The following PGGHG variants were observed in gnomAD, a reference collection of about 807,000 sequenced individuals.
PGGHG encodes ATH1, acid trehalase-like 1.
A neutral mutation model predicts 74.5 loss-of-function variants in PGGHG; 67 were observed. The observed-to-expected ratio is 0.90, with a 90% CI of 0.74 to 1.10. The LOEUF is 1.10. Ranked by LOEUF, PGGHG falls within the 50% of genes least tolerant of loss-of-function variation. The probability of loss-of-function intolerance (pLI) is 0.00; values close to 1 mark genes in which losing one functional copy is unlikely to be tolerated. For missense variants in PGGHG, 1,034 were observed against 981.5 expected, an observed-to-expected ratio of 1.05 and a Z score of -0.72; for synonymous variants, 496 against 419.9, an observed-to-expected ratio of 1.18 and a Z score of -2.21.
In PGGHG at chr11:292,961, G is replaced by C. The variant is rs1845769966; in HGVS notation, c.1234G>C (p.Glu412Gln). Residue 412 changes from glutamate (E) to glutamine (Q), a missense_variant, in exon 7 of 14, where the codon GAG becomes CAG. By Grantham distance (29) the Glu-to-Gln change is conservative (BLOSUM62 2). Coordinates refer to ENST00000409548, the MANE Select transcript of PGGHG (RefSeq NM_025092.5). ...GGCCGAGTTTTGGTGCAGTCGTGTT[G>C]AGTGGAGCCCCAGGGAGGAAAAGTA... ...AVAEFWCSRV[E>Q]WSPREEKYHL... The C allele has an allele frequency of 6.2e-7, 1 of 1,613,974 alleles. No homozygotes were observed. The highest frequency in any genetic ancestry group is 8.5e-7 in the Non-Finnish European group (1 of 1,179,948).
chr11:295,729 G>A lies in PGGHG; in HGVS notation c.*980G>A, dbSNP rs1351486979. The A allele has an allele frequency of 1.3e-5, 2 of 152,406 alleles. 1 individual carries two copies. Among genetic ancestry groups the A allele is most frequent in the Middle Eastern group, 6.8e-3 (2 of 294 alleles). The allele number at this position is 152,406 out of a possible 1,614,324, so 9.4% of individuals were successfully genotyped here. On this transcript the variant is annotated 3_prime_UTR_variant, in exon 14 of 14. Coordinates refer to ENST00000409548, the MANE Select transcript of PGGHG (RefSeq NM_025092.5). ...CCTTCTGAAGTGAGGGCCGTGCCCCGGGTCCCATTTCTCCTTTCACTTGAG... is the reference window on the plus strand; with the variant it reads ...CCTTCTGAAGTGAGGGCCGTGCCCCAGGTCCCATTTCTCCTTTCACTTGAG...
At chr11:293,333 G>T in intron 8 of PGGHG, 33 bp from the exon 9 acceptor site, 2 of 1,606,714 alleles carry the variant, frequency 1.2e-6, no homozygotes, top group Non-Finnish European at 8.5e-7. Flanking sequence ...AAGTGTAGGG[G>T]TTGCAGCCTC....
intron 2 of PGGHG, 64 bp downstream of exon 2, chr11:290,139 C>G: frequency 6.8e-7 from 1 of 1,472,740 alleles, no homozygotes. Context: ...GGGGCAACCA[C>G]AGCATCGAAT....
Position 295,489 on chromosome 11 carries a change from G to A in PGGHG, c.*740G>A, listed in dbSNP as rs1002099434. ...GGACCAGCCAGAGGGACTGGAGCCAGGTGTGCATGGGTTCAAGGCCCTGGC... is the reference window on the plus strand; with the variant it reads ...GGACCAGCCAGAGGGACTGGAGCCAAGTGTGCATGGGTTCAAGGCCCTGGC... On this transcript the variant is annotated 3_prime_UTR_variant, in exon 14 of 14. Transcript: ENST00000409548. 27 of 152,292 alleles carry A rather than the reference G, an allele frequency of 1.8e-4. No individual in the cohort carries two copies. Among genetic ancestry groups the A allele is most frequent in the African/African-American group, 5.8e-4 (24 of 41,476 alleles). 9.4% of individuals were successfully genotyped at this position (152,292 alleles called of 1,614,324 possible). A position where few individuals can be genotyped will look rare whatever the true frequency, so the allele number is the denominator to read the frequency against.
At position 290,668 on chromosome 11, in the gene PGGHG, G is replaced by T. The variant is rs775861335; in HGVS notation, c.471-10G>T. ...GAGCTCATCCCTGAGGCATGGCCACGCTCTCACAGGTACCTGTATGGCCAC... is the reference window on the plus strand; with the variant it reads ...GAGCTCATCCCTGAGGCATGGCCACTCTCTCACAGGTACCTGTATGGCCAC... On this transcript the variant is annotated splice_polypyrimidine_tract_variant and intron_variant, in intron 3 of 13. Coordinates refer to ENST00000409548, the MANE Select transcript of PGGHG (RefSeq NM_025092.5). 9.9e-6 allele frequency: 16 copies of T among 1,609,024 alleles called. No individual in the cohort carries two copies. Among genetic ancestry groups the T allele is most frequent in the Non-Finnish European group, 1.1e-5 (13 of 1,177,464 alleles).
chr11:292,529 C>T lies in PGGHG; in HGVS notation c.1027-17C>T, dbSNP rs928906837. On this transcript the variant is annotated splice_polypyrimidine_tract_variant and intron_variant, in intron 5 of 13. Transcript: ENST00000409548. ...CCCCTCCAACAAGGTCAAGTCTGCCCCCTCCCAACCCCTCAGGGAGCCAAG... is the reference window on the plus strand; with the variant it reads ...CCCCTCCAACAAGGTCAAGTCTGCCTCCTCCCAACCCCTCAGGGAGCCAAG... 1 of 1,612,220 alleles carries T rather than the reference C, an allele frequency of 6.2e-7. No individual in the cohort carries two copies. Among genetic ancestry groups the T allele is most frequent in the South Asian group, 1.1e-5 (1 of 91,074 alleles).
chr11:290,961 C>T lies in PGGHG; in HGVS notation c.754C>T (p.Leu252=), dbSNP rs1564839884. 6.2e-7 allele frequency: 1 copy of T among 1,612,768 alleles called. No individual in the cohort carries two copies. The highest frequency in any genetic ancestry group is 2.2e-5 in the East Asian group (1 of 44,884). Residue 252 remains leucine, a synonymous_variant, in exon 4 of 14, where the codon CTG becomes TTG. Transcript: ENST00000409548. ...CGLDVVGPLQ[L]RQALRGSLYY... ...CTTGGACGTGGTGGGGCCCCTGCAG[C>T]TGCGCCAGGCCCTGCGTGGCTCCCT...
At position 294,138 on chromosome 11, in the gene PGGHG, T is replaced by C; in HGVS notation, c.1750T>C (p.Phe584Leu). The change falls in exon 12 of 14, where the codon TTC becomes CTC. Residue 584 changes from phenylalanine (F) to leucine (L), a missense_variant. Coordinates refer to ENST00000409548, the MANE Select transcript of PGGHG (RefSeq NM_025092.5). Reference sequence around the variant, plus strand: ...TGCAGACGGGTCAGGCGCTGTGAACTTCCTGACAGGCATGGGGGGCTTCCT... The same window carrying C: ...TGCAGACGGGTCAGGCGCTGTGAACCTCCTGACAGGCATGGGGGGCTTCCT... ...ENADGSGAVNFLTGMGGFLQA... is the reference protein window; with the variant it reads ...ENADGSGAVNLLTGMGGFLQA... The C allele has an allele frequency of 1.2e-6, 2 of 1,612,664 alleles. No homozygotes were observed. The highest frequency in any genetic ancestry group is 1.7e-6 in the Non-Finnish European group (2 of 1,179,394).
Position 293,200 on chromosome 11 carries a change from C to T in PGGHG, c.1308C>T (p.Asn436=). Residue 436 remains asparagine (N), a synonymous_variant, in exon 8 of 14, where the codon AAC becomes AAT. Coordinates refer to ENST00000409548, the MANE Select transcript of PGGHG (RefSeq NM_025092.5). ...MSPDEYHSGV[N]NSVYTNVLVQ... ...CCGACGAGTACCATTCAGGGGTCAA[C>T]AACTCTGTGTACACCAACGTCCTGG... 5.6e-6 allele frequency: 9 copies of T among 1,613,842 alleles called. No homozygotes were observed. The highest frequency in any genetic ancestry group is 7.6e-6 in the Non-Finnish European group (9 of 1,179,992).
chr11:294,844 C>T lies in PGGHG; in HGVS notation c.*95C>T. 3.7e-6 allele frequency: 5 copies of T among 1,356,662 alleles called. No individual in the cohort carries two copies. The highest frequency in any genetic ancestry group is 5.0e-6 in the Non-Finnish European group (5 of 1,000,426). 84.0% of individuals were successfully genotyped at this position (1,356,662 alleles called of 1,614,324 possible). On this transcript the variant is annotated 3_prime_UTR_variant, in exon 14 of 14. Coordinates refer to ENST00000409548, the MANE Select transcript of PGGHG (RefSeq NM_025092.5). The stretch of plus-strand genomic sequence containing the variant: ...GGCACCCTCCTAGCCTGCCATCCCT[C>T]ACCTGCAGCCAGGCTCTCAGGGAAG...
rs1318818323 is a variant in PGGHG, at chr11:290,060, C to G, written c.244C>G (p.Leu82Val). 1 of 1,535,820 alleles carries G rather than the reference C, an allele frequency of 6.5e-7. No homozygotes were observed. The highest frequency in any genetic ancestry group is 8.7e-7 in the Non-Finnish European group (1 of 1,143,130). Residue 82 changes from leucine (L) to valine (V), a missense_variant, in exon 2 of 14, where the codon CTG (leucine) becomes GTG (valine). By Grantham distance (32) the Leu-to-Val change is conservative. Transcript: ENST00000409548. ...GGAGCAGCTGACCGAGACCTTCGCC[C>G]TGGACACCAACACAGGTAGCGCCAC... ...MGEQLTETFA[L>V]DTNTGSFLHT... is the part of the protein sequence containing the mutation.
chr11:294,148 G>A lies in PGGHG; in HGVS notation c.1760G>A (p.Gly587Asp), dbSNP rs1040520928. The A allele has an allele frequency of 1.9e-5, 31 of 1,612,860 alleles. No individual in the cohort carries two copies. Among genetic ancestry groups the A allele is most frequent in the Non-Finnish European group, 2.6e-5 (31 of 1,179,454 alleles). Residue 587 changes from glycine to aspartate, a missense_variant, in exon 12 of 14, where the codon GGC becomes GAC. Gly to Asp is a moderately conservative substitution (Grantham distance 94). Transcript: ENST00000409548. ...TCAGGCGCTGTGAACTTCCTGACAGGCATGGGGGGCTTCCTGCAGGCGGTG... is the reference window on the plus strand; with the variant it reads ...TCAGGCGCTGTGAACTTCCTGACAGACATGGGGGGCTTCCTGCAGGCGGTG... ...DGSGAVNFLTGMGGFLQAVVF... is the reference protein window; with the variant it reads ...DGSGAVNFLTDMGGFLQAVVF...
At chr11:292,158 C>T in intron 5 of PGGHG, 63 bp downstream of exon 5, 1 of 1,473,452 alleles carries the variant, frequency 6.8e-7, no homozygotes, top group Non-Finnish European at 9.0e-7. Flanking sequence ...CACACCCCTC[C>T]CAGGCCTGTA....
In PGGHG at chr11:294,446, G is replaced by A; in HGVS notation, c.1988G>A (p.Trp663Ter). Residue 663 changes from tryptophan to a stop codon, truncating the protein, a stop_gained, in exon 13 of 14, where the codon TGG becomes TAG. Transcript: ENST00000409548. LOFTEE classifies it low-confidence loss of function (END_TRUNC). ...PWAPHLEAEL[W>*]PSQSRLSLLP... ...GCTCCTCACCTGGAGGCTGAGCTGTGGCCATCCCAGTCCCGGCTCTCCCTG... is the reference window on the plus strand; with the variant it reads ...GCTCCTCACCTGGAGGCTGAGCTGTAGCCATCCCAGTCCCGGCTCTCCCTG... The A allele has an allele frequency of 6.7e-7, 1 of 1,499,840 alleles. No homozygotes were observed. Among genetic ancestry groups the A allele is most frequent in the Non-Finnish European group, 9.0e-7 (1 of 1,117,286 alleles). The allele number at this position is 1,499,840 out of a possible 1,614,324, so 92.9% of individuals were successfully genotyped here. A position where few individuals can be genotyped will look rare whatever the true frequency, so the allele number is the denominator to read the frequency against.
rs928582451 is a variant in PGGHG, at chr11:289,974, C to T, written c.158C>T (p.Thr53Met). Residue 53 changes from threonine (T) to methionine (M), a missense_variant, in exon 2 of 14, where the codon ACG becomes ATG. Transcript: ENST00000409548. This position sits in a 1 kb window ranked among gnomAD's most constrained non-coding sequence, Gnocchi z 5.6. ...SGVYNGAGGD[T>M]HRAMLPSPLN... Reference sequence around the variant, plus strand: ...GTGTACAATGGGGCTGGCGGGGACACGCACCGGGCCATGCTGCCCAGCCCC... The same window carrying T: ...GTGTACAATGGGGCTGGCGGGGACATGCACCGGGCCATGCTGCCCAGCCCC... 11 of 1,549,660 alleles carry T rather than the reference C, an allele frequency of 7.1e-6. No individual in the cohort carries two copies. Among genetic ancestry groups the T allele is most frequent in the African/African-American group, 4.1e-5 (3 of 73,018 alleles).
chr11:294,662 T>C lies in PGGHG; in HGVS notation c.2127T>C (p.Val709=). Residue 709 remains valine (V), a synonymous_variant, in exon 14 of 14, where the codon GTT becomes GTC. Coordinates refer to ENST00000409548, the MANE Select transcript of PGGHG (RefSeq NM_025092.5). The stretch of plus-strand genomic sequence containing the variant: ...TCCCTGGGAGGACTTTTTCAGATGT[T>C]AGGGACCCGCTCCAGAGCCCCCTCT... The part of the protein sequence containing the change: ...SEFPGRTFSD[V]RDPLQSPLWV... 1 of 1,613,608 alleles carries C rather than the reference T, an allele frequency of 6.2e-7. No homozygotes were observed. The highest frequency in any genetic ancestry group is 8.5e-7 in the Non-Finnish European group (1 of 1,179,936).
At chr11:291,169 G>A (rs1024624364) in intron 4 of PGGHG, 56 bp downstream of exon 4, 42 of 1,501,312 alleles carry the variant, frequency 2.8e-5, no homozygotes, top group African/African-American at 4.2e-5. Flanking sequence ...GGAGGTCCAC[G>A]GTCTCTGCCC....
intron 2 of PGGHG, 115 bp from the exon 3 acceptor site, chr11:290,275 G>T (rs910436199): frequency 5.1e-6 from 7 of 1,362,792 alleles, no homozygotes; most frequent in Non-Finnish European, 6.9e-6. Context: ...ACGAGCAGCC[G>T]AGGGCCCAGA....
At position 293,737 on chromosome 11, in the gene PGGHG, C is replaced by T; in HGVS notation, c.1614+10C>T. 1 of 1,613,356 alleles carries T rather than the reference C, an allele frequency of 6.2e-7. No homozygotes were observed. Among genetic ancestry groups the T allele is most frequent in the Non-Finnish European group, 8.5e-7 (1 of 1,179,980 alleles). ...CCCCGCCATGACCTGGGTGAGCACC[C>T]TGGGGCTGTGGAGTTCCTACCCCAT... On this transcript the variant is annotated intron_variant, in intron 10 of 13. Coordinates refer to ENST00000409548, the MANE Select transcript of PGGHG (RefSeq NM_025092.5).
Sources: gnomAD v4.1 joint callset for allele counts on GRCh38, gnomAD v4.1.1 for gene constraint, Gnocchi (gnomAD v3.1) non-coding constraint, MANE v1.5 for transcripts, NCBI Gene and HGNC (gene_info 2026-07-23, HGNC 2026-07-21) for gene names.